UST: variants seen among roughly 807,000 people sequenced by gnomAD.
The protein encoded by UST is chondroitin sulfate 2-O-sulfotransferase.
Under a neutral mutation model 45.6 loss-of-function variants are expected in UST, and 21 were observed. The ratio of observed to expected loss-of-function variants is 0.46; its 90% CI spans 0.33 to 0.66. The LOEUF is 0.66. UST is among the 30% of genes least tolerant of loss of function. UST has a pLI of 0.02. For missense variants in UST, 463 were observed against 512.4 expected, an observed-to-expected ratio of 0.90 and a Z score of 0.93; for synonymous variants, 215 against 200.6, an observed-to-expected ratio of 1.07 and a Z score of -0.61.
At chr6:149,040,484 G>A (rs538576408) in intron 7 of UST, among the ~76,000 whole-genome samples, 3 of 152,072 alleles carry the variant, frequency 2.0e-5, no homozygotes, top group African/African-American at 7.2e-5. Context: ...GTAAAACACC[G>A]TCTCTACTAA....
intron 5 of UST, among the ~76,000 whole-genome samples, chr6:148,977,681 G>T (rs1781044627): frequency 6.7e-6 from 1 of 149,958 alleles, no homozygotes; most frequent in Non-Finnish European, 1.5e-5. Context: ...GAACTCGGGA[G>T]GTGGAGCTTG....
chr6:149,068,532 G>C lies in UST; in HGVS notation c.938-5301G>C, dbSNP rs188281067. ...GCTCAGCCAGGACTGTCACCATCTCGCACCATATCAGTTAACTAATCGTGC... is the reference window on the plus strand; with the variant it reads ...GCTCAGCCAGGACTGTCACCATCTCCCACCATATCAGTTAACTAATCGTGC... On this transcript the variant is annotated intron_variant, in intron 7 of 7. Coordinates refer to ENST00000367463, the MANE Select transcript of UST (RefSeq NM_005715.3). Among the ~76,000 whole-genome samples, 648 of 152,252 alleles carry C rather than the reference G, an allele frequency of 4.3e-3. 2 individuals carry two copies. Among genetic ancestry groups the C allele is most frequent in the Non-Finnish European group, 7.0e-3 (475 of 68,028 alleles).
At chr6:148,814,190 C>G (rs1376270435) in intron 1 of UST, among the ~76,000 whole-genome samples, 6 of 152,112 alleles carry the variant, frequency 3.9e-5, no homozygotes, top group African/African-American at 1.4e-4. Context: ...ATGATGAAGT[C>G]CCCAGAACAG....
chr6:148,776,762 G>A (rs1370363347), intron 1 of UST, among the ~76,000 whole-genome samples: 1 of 152,094 alleles, frequency 6.6e-6, no homozygotes, highest in East Asian at 1.9e-4. Flanking sequence ...TTCTCCAGTG[G>A]AACTATTAGT....
At chr6:148,774,502 A>G (rs956937080) in intron 1 of UST, among the ~76,000 whole-genome samples, 2 of 152,154 alleles carry the variant, frequency 1.3e-5, no homozygotes, top group Non-Finnish European at 2.9e-5. Context: ...CTTTTAAAGC[A>G]TTATGGTCAC....
At chr6:148,899,883 T>C (rs997532072) in intron 2 of UST, among the ~76,000 whole-genome samples, 1 of 152,200 alleles carries the variant, frequency 6.6e-6, no homozygotes, top group Non-Finnish European at 1.5e-5. Context: ...TCACTGCAGC[T>C]GACCCACCTC....
At chr6:149,036,245 G>A (rs1018888976) in intron 7 of UST, among the ~76,000 whole-genome samples, 3 of 152,184 alleles carry the variant, frequency 2.0e-5, no homozygotes, top group Non-Finnish European at 2.9e-5. Flanking sequence ...CAGCTCTCCC[G>A]TCGGGGACAC....
chr6:148,888,308 A>G (rs1476074992), intron 2 of UST, among the ~76,000 whole-genome samples: 2 of 152,198 alleles, frequency 1.3e-5, no homozygotes, highest in Non-Finnish European at 2.9e-5. Flanking sequence ...ATCCACCCTC[A>G]TGATCCAGTC....
chr6:149,056,266 C>A (rs1415312126), intron 7 of UST, among the ~76,000 whole-genome samples: 1 of 151,872 alleles, frequency 6.6e-6, no homozygotes, highest in Non-Finnish European at 1.5e-5. Context: ...CACCACCATG[C>A]CCAGCTAATT....
At chr6:148,919,817 C>G (rs1562299970) in intron 2 of UST, among the ~76,000 whole-genome samples, 1 of 152,104 alleles carries the variant, frequency 6.6e-6, no homozygotes, top group Non-Finnish European at 1.5e-5. Context: ...CAGGGTGTTG[C>G]CAGGTGGCTT....
intron 5 of UST, among the ~76,000 whole-genome samples, chr6:148,966,892 A>G (rs1459798820): frequency 6.6e-6 from 1 of 152,066 alleles, no homozygotes; most frequent in East Asian, 1.9e-4. Flanking sequence ...GCTTCCCACC[A>G]CGCCTGGTTA....
intron 5 of UST, among the ~76,000 whole-genome samples, chr6:148,997,468 A>G (rs1562324735): frequency 6.6e-6 from 1 of 152,234 alleles, no homozygotes; most frequent in Non-Finnish European, 1.5e-5. Context: ...GAGTGAATGA[A>G]TGGATGAATG....
At chr6:148,856,613 G>C (rs914287042) in intron 1 of UST, among the ~76,000 whole-genome samples, 1 of 152,204 alleles carries the variant, frequency 6.6e-6, no homozygotes, top group Admixed American at 6.5e-5. Flanking sequence ...CTAGGGTTGC[G>C]GGGCGGGCTT....
At chr6:148,967,485 A>C (rs1271200849) in intron 5 of UST, among the ~76,000 whole-genome samples, 2 of 152,114 alleles carry the variant, frequency 1.3e-5, no homozygotes, top group Non-Finnish European at 2.9e-5. Context: ...TAATAGCTGA[A>C]ACTTTTAATT....
chr6:148,781,365 A>C (rs1334559049), intron 1 of UST, among the ~76,000 whole-genome samples: 2 of 152,196 alleles, frequency 1.3e-5, no homozygotes, highest in African/African-American at 4.8e-5. Flanking sequence ...CATTGCGTTA[A>C]GCCAAAGCCT....
At chr6:148,753,119 G>A (rs1035154697) in intron 1 of UST, among the ~76,000 whole-genome samples, 1 of 152,120 alleles carries the variant, frequency 6.6e-6, no homozygotes, top group Non-Finnish European at 1.5e-5. Context: ...TTTGCTATTA[G>A]TTTTTAAACA....
chr6:148,976,439 A>T (rs182735000), intron 5 of UST, among the ~76,000 whole-genome samples: 17 of 152,292 alleles, frequency 1.1e-4, no homozygotes, highest in Non-Finnish European at 2.2e-4. Flanking sequence ...TTTCCAATTC[A>T]TACTCTGCTG....
At chr6:148,979,572 A>G (rs1379354388) in intron 5 of UST, among the ~76,000 whole-genome samples, 6 of 152,212 alleles carry the variant, frequency 3.9e-5, no homozygotes. Context: ...AAGACCCTGT[A>G]CTTTGAGCAG....
intron 3 of UST, among the ~76,000 whole-genome samples, chr6:148,948,364 A>C (rs574214599): frequency 6.6e-6 from 1 of 152,252 alleles, no homozygotes; most frequent in Non-Finnish European, 1.5e-5. Flanking sequence ...AGGGTTAGAT[A>C]CCGCCTCTGC....
Sources: allele counts gnomAD v4.1 joint callset (sites outside exome capture counted in the v4.1 genomes callset), GRCh38; gene constraint gnomAD v4.1.1; transcripts MANE v1.5; gene names NCBI Gene and HGNC (gene_info 2026-07-23, HGNC 2026-07-21).